The following ZNF652 variants were observed in gnomAD, a reference collection of about 807,000 sequenced individuals.
ZNF652 encodes zinc finger protein 652.
In ZNF652, 16 loss-of-function variants were observed where a neutral mutation model predicts 45.2. That is an observed-to-expected ratio of 0.35 (90% confidence interval 0.24 to 0.54). The LOEUF is 0.54. Among genes scored for constraint, ZNF652 ranks in the 20% least tolerant of loss-of-function variants. The pLI, the probability that ZNF652 is intolerant of heterozygous loss-of-function variation, is 0.91. For missense variants in ZNF652, 614 were observed against 765.6 expected (o/e 0.80, Z 2.34); for synonymous variants, 250 against 260.6 (o/e 0.96, Z 0.39).
chr17:49,298,351 C>A lies in ZNF652; in HGVS notation c.*62G>T, dbSNP rs1161235106. On this transcript the variant is annotated 3_prime_UTR_variant, in exon 6 of 6. Transcript: ENST00000430262. ...AGAACTAAGGAAATGCTCACCGACT[C>A]CCTCTGTGCACGCTCACACATGGGG... is the stretch of plus-strand genomic sequence containing the variant. 1.8e-5 allele frequency: 28 copies of A among 1,594,272 alleles called. No individual in the cohort carries two copies. Among genetic ancestry groups the A allele is most frequent in the African/African-American group, 4.0e-5 (3 of 74,522 alleles).
At chr17:49,357,159 C>T (rs1318231210) in intron 1 of ZNF652, among the ~76,000 whole-genome samples, 1 of 151,898 alleles carries the variant, frequency 6.6e-6, no homozygotes, top group Non-Finnish European at 1.5e-5. Flanking sequence ...ATTAGCTGGG[C>T]ATAATGGTGC....
At chr17:49,335,804 A>C (rs2070073702) in intron 1 of ZNF652, among the ~76,000 whole-genome samples, 1 of 152,188 alleles carries the variant, frequency 6.6e-6, no homozygotes, top group Non-Finnish European at 1.5e-5. Flanking sequence ...AAATGACCCC[A>C]CAACCTTAAC....
At chr17:49,314,651 A>G (rs1438347849) in intron 2 of ZNF652, among the ~76,000 whole-genome samples, 1 of 152,166 alleles carries the variant, frequency 6.6e-6, no homozygotes, top group Non-Finnish European at 1.5e-5. Flanking sequence ...TGTGTATCAG[A>G]GTATTTCTGG....
At chr17:49,288,749 G>A (rs971447541), downstream of ZNF652, among the ~76,000 whole-genome samples, 1 of 152,118 alleles carries the variant, frequency 6.6e-6, no homozygotes, top group African/African-American at 2.4e-5. Flanking sequence ...GAATGAAGGG[G>A]GTAGAGGTAG....
chr17:49,299,571 G>A (rs1598280697), intron 5 of ZNF652, among the ~76,000 whole-genome samples: 1 of 151,970 alleles, frequency 6.6e-6, no homozygotes, highest in East Asian at 1.9e-4. Context: ...AGTAGAAACG[G>A]GGTTTCGCCA....
intron 1 of ZNF652, among the ~76,000 whole-genome samples, chr17:49,319,635 CAAAA>C (rs35770760): frequency 4.3e-5 from 2 of 46,230 alleles, no homozygotes; most frequent in African/African-American, 9.3e-5. Context: ...GACTCTGTCT[CAAAA>C]AAAAAAAAAA....
intron 1 of ZNF652, among the ~76,000 whole-genome samples, chr17:49,330,248 A>G (rs1467953610): frequency 6.6e-6 from 1 of 152,160 alleles, no homozygotes; most frequent in Non-Finnish European, 1.5e-5. Flanking sequence ...CCTTAACCAA[A>G]GGTCACTATA....
At chr17:49,359,319 G>C (rs1161647571) in intron 1 of ZNF652, among the ~76,000 whole-genome samples, 2 of 152,154 alleles carry the variant, frequency 1.3e-5, no homozygotes, top group Non-Finnish European at 2.9e-5. Flanking sequence ...GGCAATATTT[G>C]CAACTTCAGC....
rs1488611123 is a variant in ZNF652 at position 49,316,835 on chromosome 17, T to C, written c.891A>G (p.Lys297=). The change falls in exon 2 of 6, where the codon AAA becomes AAG. Residue 297 remains lysine, a synonymous_variant. Coordinates refer to ENST00000430262, the MANE Select transcript of ZNF652 (RefSeq NM_001145365.3). ...LSLHQQTDCE[K]NIQCVSCNKS... is the part of the protein sequence containing the mutation. ...CGGTGATGAAACCTACCTGAATGTT[T>C]TTTTCACAGTCTGTTTGCTGGTGAA... is the stretch of plus-strand genomic sequence containing the variant. 6.2e-7 allele frequency: 1 copy of C among 1,610,110 alleles called. No individual in the cohort carries two copies. The highest frequency in any genetic ancestry group is 8.5e-7 in the Non-Finnish European group (1 of 1,178,392).
chr17:49,332,646 T>C (rs764175713), intron 1 of ZNF652, among the ~76,000 whole-genome samples: 5 of 152,134 alleles, frequency 3.3e-5, no homozygotes, highest in African/African-American at 9.7e-5. Context: ...CCTTGTGATA[T>C]ATATTTAACT....
At position 49,311,470 on chromosome 17, in the gene ZNF652, A is replaced by C. The variant is rs2069710743; in HGVS notation, c.1165-14T>G. 1 of 1,609,032 alleles carries C rather than the reference A, an allele frequency of 6.2e-7. No individual in the cohort carries two copies. On this transcript the variant is annotated splice_polypyrimidine_tract_variant and intron_variant, in intron 4 of 5. Transcript: ENST00000430262. The stretch of plus-strand genomic sequence containing the variant: ...TTCGTCACAGTTCTGCATTGGATAC[A>C]GTGGAGATTTTTGAATGCCAAGCAT...
chr17:49,336,955 T>TG (rs1164419952), intron 1 of ZNF652, among the ~76,000 whole-genome samples: 4 of 125,336 alleles, frequency 3.2e-5, no homozygotes, highest in Admixed American at 1.6e-4. Flanking sequence ...TTTTTTTTTT[T>TG]TTTTTTTTTT....
intron 1 of ZNF652, among the ~76,000 whole-genome samples, chr17:49,333,004 C>G (rs2070040420): frequency 6.6e-6 from 1 of 152,034 alleles, no homozygotes; most frequent in African/African-American, 2.4e-5. Context: ...CACCACTGCA[C>G]TCTGGCCTGG....
At chr17:49,347,740 G>GGTT (rs2070220659) in intron 1 of ZNF652, among the ~76,000 whole-genome samples, 3 of 81,210 alleles carry the variant, frequency 3.7e-5, no homozygotes, top group African/African-American at 1.4e-4. Context: ...CCTTGGTTTT[G>GGTT]TTTTTTTTTT....
chr17:49,315,017 C>G (rs149312942), intron 2 of ZNF652, among the ~76,000 whole-genome samples: 1 of 150,650 alleles, frequency 6.6e-6, no homozygotes, highest in Non-Finnish European at 1.5e-5. Context: ...CCACTGCACC[C>G]GGCCTTAGGG....
chr17:49,311,375 G>A lies in ZNF652; in HGVS notation c.1246C>T (p.Gln416Ter). Residue 416 changes from glutamine to a stop codon, truncating the protein, a stop_gained, in exon 5 of 6, where the codon CAG (glutamine) becomes TAG (stop). Transcript: ENST00000430262. LOFTEE classifies it high-confidence loss of function. ...IHIGHKQFMC[Q>*]WCGKDFNMKQ... ...ATGTTGAAATCCTTGCCACACCACT[G>A]GCACATGAACTGTTTGTGCCCAATA... is the stretch of plus-strand genomic sequence containing the variant. 6.2e-7 allele frequency: 1 copy of A among 1,614,130 alleles called. No individual in the cohort carries two copies. The highest frequency in any genetic ancestry group is 8.5e-7 in the Non-Finnish European group (1 of 1,180,012).
chr17:49,347,917 G>T (rs963589922), intron 1 of ZNF652, among the ~76,000 whole-genome samples: 1 of 151,662 alleles, frequency 6.6e-6, no homozygotes, highest in African/African-American at 2.4e-5. Flanking sequence ...GCTAAGTTTT[G>T]TATTTTTTGT....
At chr17:49,319,000 A>G (rs532920835) in intron 1 of ZNF652, among the ~76,000 whole-genome samples, 2 of 152,300 alleles carry the variant, frequency 1.3e-5, no homozygotes, top group African/African-American at 2.4e-5. Flanking sequence ...GTGATTTTTT[A>G]TATGTCAGTT....
intron 1 of ZNF652, among the ~76,000 whole-genome samples, chr17:49,343,964 C>A (rs1186097351): frequency 6.6e-6 from 1 of 151,924 alleles, no homozygotes; most frequent in Non-Finnish European, 1.5e-5. Context: ...TTTGGGAGGC[C>A]GAGGCGGGTG....
Sources: gnomAD v4.1 joint callset for allele counts (sites outside exome capture counted in the v4.1 genomes callset) on GRCh38, gnomAD v4.1.1 for gene constraint, MANE v1.5 for transcripts, NCBI Gene and HGNC (gene_info 2026-07-23, HGNC 2026-07-21) for gene names.